The following PCDH7 variants were observed in gnomAD, a reference collection of about 807,000 sequenced individuals.
The protein encoded by PCDH7 is protocadherin 7.
PCDH7 carries 17 observed loss-of-function variants against 58.9 expected under a neutral mutation model. The ratio of observed to expected loss-of-function variants is 0.29; its 90% CI spans 0.20 to 0.43. PCDH7 has a LOEUF of 0.43. PCDH7 is among the 20% of genes least tolerant of loss of function. The pLI, the probability that PCDH7 is intolerant of heterozygous loss-of-function variation, is 1.00. For missense variants in PCDH7, 1,274 were observed against 1,441.0 expected (o/e 0.88, Z 1.88); for synonymous variants, 664 against 616.4 (o/e 1.08, Z -1.14).
chr4:30,767,087 G>A (rs1487248859), intron 1 of PCDH7, among the ~76,000 whole-genome samples: 3 of 151,904 alleles, frequency 2.0e-5, no homozygotes, highest in Admixed American at 6.6e-5. Flanking sequence ...TCACTAGTGG[G>A]CTGTAAATAA....
chr4:30,965,950 A>C (rs1748958065), intron 3 of PCDH7, among the ~76,000 whole-genome samples: 1 of 152,170 alleles, frequency 6.6e-6, no homozygotes, highest in African/African-American at 2.4e-5. Context: ...GTATTTCTGC[A>C]GAGTGAAAAT....
chr4:30,834,903 T>TTATATATA (rs761760746), intron 1 of PCDH7, among the ~76,000 whole-genome samples: 1 of 148,750 alleles, frequency 6.7e-6, no homozygotes, highest in Non-Finnish European at 1.5e-5. Context: ...AACATTGGTG[T>TTATATATA]TATATATATA....
exon 2 of PCDH7, chr4:30,920,208 G>A: frequency 1.5e-6 from 2 of 1,367,702 alleles, no homozygotes; most frequent in Non-Finnish European, 2.0e-6. Flanking sequence ...CCACATCAGG[G>A]GTCACTGCAG....
chr4:31,083,062 T>C (rs1012648595), intron 3 of PCDH7, among the ~76,000 whole-genome samples: 10 of 151,954 alleles, frequency 6.6e-5, no homozygotes, highest in Middle Eastern at 3.2e-3. Context: ...GAGCGGAGAT[T>C]GCGCCACTGC....
chr4:30,734,000 T>G (rs1715887958), downstream of PCDH7, among the ~76,000 whole-genome samples: 1 of 152,058 alleles, frequency 6.6e-6, no homozygotes, highest in Non-Finnish European at 1.5e-5. Flanking sequence ...ACATATGTGA[T>G]TAAAAAACAA....
At chr4:31,144,926 G>T (rs187353550), downstream of PCDH7, 447 of 152,216 alleles carry the variant, frequency 2.9e-3, 6 homozygotes, top group Non-Finnish European at 2.4e-3. Flanking sequence ...AAGCAGTTCT[G>T]CCTTGTATAA....
intron 3 of PCDH7, among the ~76,000 whole-genome samples, chr4:31,062,515 G>A (rs914314411): frequency 6.6e-6 from 1 of 151,662 alleles, no homozygotes; most frequent in Non-Finnish European, 1.5e-5. Context: ...ATAATCAGAA[G>A]GATACGAGAG....
chr4:31,043,686 G>A (rs1423804764), intron 3 of PCDH7, among the ~76,000 whole-genome samples: 1 of 152,048 alleles, frequency 6.6e-6, no homozygotes, highest in Non-Finnish European at 1.5e-5. Context: ...GATGCTGGAC[G>A]TTAGACATTT....
chr4:30,883,291 C>T (rs1272782834), intron 1 of PCDH7, among the ~76,000 whole-genome samples: 9 of 152,178 alleles, frequency 5.9e-5, no homozygotes, highest in Admixed American at 4.6e-4. Flanking sequence ...ATGGTATAAC[C>T]ATTACCAAGC....
At chr4:31,136,851 A>G (rs1439515152) in intron 3 of PCDH7, among the ~76,000 whole-genome samples, 2 of 152,182 alleles carry the variant, frequency 1.3e-5, no homozygotes, top group South Asian at 2.1e-4. Context: ...CCTCACCTCC[A>G]ATCTTTATTA....
intron 3 of PCDH7, among the ~76,000 whole-genome samples, chr4:30,962,450 T>A (rs1397267264): frequency 1.3e-5 from 2 of 152,134 alleles, no homozygotes. Context: ...AAAGTAAGTA[T>A]GTATGTATGT....
At chr4:31,115,633 A>G (rs928382141) in intron 3 of PCDH7, among the ~76,000 whole-genome samples, 3 of 152,158 alleles carry the variant, frequency 2.0e-5, no homozygotes, top group Non-Finnish European at 4.4e-5. Context: ...TTATCAATGT[A>G]ATGTGATGAA....
intron 1 of PCDH7, among the ~76,000 whole-genome samples, chr4:30,740,335 T>C (rs1716893224): frequency 1.3e-5 from 2 of 152,192 alleles, no homozygotes; most frequent in Admixed American, 6.5e-5. Context: ...CTCTGTCCAA[T>C]TTTTTAAAAA....
intron 2 of PCDH7, among the ~76,000 whole-genome samples, chr4:30,939,437 C>A (rs956269292): frequency 6.6e-6 from 1 of 152,096 alleles, no homozygotes; most frequent in South Asian, 2.1e-4. Flanking sequence ...CTACTGATAA[C>A]TGAATTCTCT....
intron 3 of PCDH7, among the ~76,000 whole-genome samples, chr4:31,060,807 A>T (rs925768744): frequency 2.6e-5 from 4 of 151,768 alleles, no homozygotes; most frequent in Admixed American, 1.3e-4. Context: ...GTTAACTTAG[A>T]TAATACATCA....
Position 30,722,340 on chromosome 4 carries a change from C to T in PCDH7, c.918C>T (p.Pro306=). The change falls in exon 1 of 2, where the codon CCC becomes CCT. Residue 306 remains proline, a synonymous_variant. Coordinates refer to ENST00000361762, the Ensembl canonical transcript of PCDH7. This position sits in a 1 kb window ranked among gnomAD's most constrained non-coding sequence, Gnocchi z 7.6. ...TCACCGACGTGAACGACAACAGCCC[C>T]CGCTTCGAGAAGAGCGTGTACGAGG... The T allele has an allele frequency of 6.2e-7, 1 of 1,611,802 alleles. No homozygotes were observed. The highest frequency in any genetic ancestry group is 8.5e-7 in the Non-Finnish European group (1 of 1,179,642).
chr4:31,138,452 G>A (rs530591256), intron 3 of PCDH7, among the ~76,000 whole-genome samples: 1 of 152,116 alleles, frequency 6.6e-6, no homozygotes, highest in African/African-American at 2.4e-5. Flanking sequence ...GTTATGAGTA[G>A]CAGTCATTGA....
chr4:30,765,852 A>G (rs748677412), intron 1 of PCDH7, among the ~76,000 whole-genome samples: 87 of 152,116 alleles, frequency 5.7e-4, no homozygotes, highest in Non-Finnish European at 1.1e-3. Flanking sequence ...ATTAACTGGT[A>G]CTTCCTCCCC....
chr4:30,761,725 G>A (rs1275899822), intron 1 of PCDH7, among the ~76,000 whole-genome samples: 1 of 152,118 alleles, frequency 6.6e-6, no homozygotes, highest in Non-Finnish European at 1.5e-5. Flanking sequence ...TCAATCACTT[G>A]ACTGTCTAAA....
Sources: gnomAD v4.1 joint callset for allele counts (sites outside exome capture counted in the v4.1 genomes callset) on GRCh38, gnomAD v4.1.1 for gene constraint, Gnocchi (gnomAD v3.1) non-coding constraint, MANE v1.5 for transcripts, NCBI Gene and HGNC (gene_info 2026-07-23, HGNC 2026-07-21) for gene names.